CBFA2T3: variants seen among roughly 807,000 people sequenced by gnomAD.
CBFA2T3 encodes CBFA2/RUNX1 partner transcriptional co-repressor 3, also known as transcriptional corepressor CBFA2T3.
CBFA2T3 carries 31 observed loss-of-function variants against 58.6 expected under a neutral mutation model. The observed-to-expected ratio is 0.53, with a 90% CI of 0.40 to 0.71. The LOEUF (loss-of-function observed/expected upper bound fraction) is 0.71, where lower values mean the gene tolerates loss of function less well. Ranked by LOEUF, CBFA2T3 falls within the 30% of genes least tolerant of loss-of-function variation. CBFA2T3 has a pLI of 0.00. For synonymous variants in CBFA2T3, 531 were observed against 421.9 expected (o/e 1.26, Z -3.17); for missense variants, 1,076 against 963.1 (o/e 1.12, Z -1.55).
At chr16:88,921,156 A>G (rs1384089175) in intron 1 of CBFA2T3, among the ~76,000 whole-genome samples, 2 of 152,238 alleles carry the variant, frequency 1.3e-5, no homozygotes, top group African/African-American at 4.8e-5. Flanking sequence ...TCTTTCTAGG[A>G]AAGGGGAGGA....
intron 1 of CBFA2T3, among the ~76,000 whole-genome samples, chr16:88,967,668 C>A (rs13330619): frequency 0.15 from 23,124 of 152,144 alleles, 1,859 homozygotes; most frequent in Middle Eastern, 0.24. Flanking sequence ...ACGGGGACGG[C>A]GTGCTGCCCT....
chr16:88,920,781 C>T (rs1466297936), intron 1 of CBFA2T3, among the ~76,000 whole-genome samples: 1 of 152,218 alleles, frequency 6.6e-6, no homozygotes, highest in African/African-American at 2.4e-5. Context: ...CCCAGCCCCT[C>T]CCTGCCCTGC....
intron 1 of CBFA2T3, chr16:88,941,108 C>T: frequency 1.0e-6 from 1 of 984,314 alleles, no homozygotes; most frequent in Non-Finnish European, 1.2e-6. Flanking sequence ...AGCTTGGTCC[C>T]CGCCTCCACG....
At chr16:88,957,366 G>A (rs1243622629) in intron 1 of CBFA2T3, among the ~76,000 whole-genome samples, 1 of 152,216 alleles carries the variant, frequency 6.6e-6, no homozygotes, top group Non-Finnish European at 1.5e-5. Context: ...AGCAGACATG[G>A]CAGAGCACTC....
intron 5 of CBFA2T3, chr16:88,886,427 G>A: frequency 3.0e-6 from 1 of 337,034 alleles, no homozygotes; most frequent in Non-Finnish European, 5.4e-6. Context: ...CCAGGGTGGG[G>A]CTTTCCCACC....
At chr16:88,888,261 G>A (rs1010930078) in intron 5 of CBFA2T3, among the ~76,000 whole-genome samples, 14 of 150,624 alleles carry the variant, frequency 9.3e-5, no homozygotes, top group African/African-American at 2.7e-4. Flanking sequence ...CAAGGACTGC[G>A]TGAGAGTACC....
At position 88,875,130 on chromosome 16, in the gene CBFA2T3, AGGCCACG is replaced by A. The variant is rs1968781832; in HGVS notation, c.*1839_*1845del. On this transcript the variant is annotated 3_prime_UTR_variant, in exon 12 of 12. Transcript: ENST00000268679. ...GGGCCACGCCACACACACAGATGCCAGGCCACGGGCCACGCCACGCACACAGATGCCA... is the reference window on the plus strand; with the variant it reads ...GGGCCACGCCACACACACAGATGCCAGGCCACGCCACGCACACAGATGCCA... The A allele has an allele frequency of 4.2e-6, 1 of 235,708 alleles. No homozygotes were observed. Among genetic ancestry groups the A allele is most frequent in the South Asian group, 1.4e-4 (1 of 6,956 alleles). 14.6% of individuals were successfully genotyped at this position (235,708 alleles called of 1,614,324 possible).
At chr16:88,913,924 C>T (rs74746431) in intron 1 of CBFA2T3, among the ~76,000 whole-genome samples, 7,038 of 152,224 alleles carry the variant, frequency 0.046, 503 homozygotes, top group African/African-American at 0.14. Context: ...AGCCGGCTCA[C>T]TCCTGGGCAC....
Position 88,931,165 on chromosome 16 carries a change from C to G in CBFA2T3, c.152-29509G>C, listed in dbSNP as rs573097154. 1.4e-4 allele frequency among the ~76,000 whole-genome samples: 22 copies of G among 152,144 alleles called. 1 individual carries two copies. In the South Asian group the frequency reaches 4.4e-3, roughly 30 times the overall value. On this transcript the variant is annotated intron_variant, in intron 1 of 11. Coordinates refer to ENST00000268679, the MANE Select transcript of CBFA2T3 (RefSeq NM_005187.6). ...CTGCCTCTTCCCTGAGTTTGGGCAC[C>G]TTAAATGTGAGAGGGGCTCAGCCTC...
chr16:88,913,649 G>T (rs1342763464), intron 1 of CBFA2T3, among the ~76,000 whole-genome samples: 1 of 152,162 alleles, frequency 6.6e-6, no homozygotes, highest in South Asian at 2.1e-4. Context: ...CCGTGGGGGG[G>T]TCTCAGCCGG....
intron 1 of CBFA2T3, among the ~76,000 whole-genome samples, chr16:88,974,518 G>A (rs1972743434): frequency 6.6e-6 from 1 of 152,134 alleles, no homozygotes; most frequent in Non-Finnish European, 1.5e-5. Flanking sequence ...ACAGCACACA[G>A]ACGTCTCTCC....
At chr16:88,899,441 T>A (rs1040512586) in intron 2 of CBFA2T3, among the ~76,000 whole-genome samples, 1 of 152,154 alleles carries the variant, frequency 6.6e-6, no homozygotes, top group African/African-American at 2.4e-5. Context: ...CACCTGCTTA[T>A]CTCTTTCATA....
intron 3 of CBFA2T3, among the ~76,000 whole-genome samples, chr16:88,895,112 C>A (rs2142604273): frequency 6.6e-6 from 1 of 152,304 alleles, no homozygotes; most frequent in African/African-American, 2.4e-5. Context: ...TGGGCTGCGT[C>A]CCCACAGCTG....
At chr16:88,921,771 G>A (rs1438566723) in intron 1 of CBFA2T3, among the ~76,000 whole-genome samples, 1 of 152,262 alleles carries the variant, frequency 6.6e-6, no homozygotes, top group Non-Finnish European at 1.5e-5. Flanking sequence ...ACTTGCGGCT[G>A]CAGCTCCCTC....
intron 1 of CBFA2T3, among the ~76,000 whole-genome samples, chr16:88,932,491 A>C (rs1318051663): frequency 1.3e-5 from 2 of 151,868 alleles, no homozygotes; most frequent in African/African-American, 4.8e-5. Context: ...AAAAATTAAA[A>C]AAACAATTAG....
At chr16:88,881,738 A>C (rs1454859913) in intron 8 of CBFA2T3, 5 of 468,536 alleles carry the variant, frequency 1.1e-5, no homozygotes, top group Admixed American at 7.3e-5. Flanking sequence ...GGAGTTTGGG[A>C]TTCTCCTTTT....
At chr16:88,968,576 GTGGTCCCAACCCT>G (rs1478588488) in intron 1 of CBFA2T3, among the ~76,000 whole-genome samples, 1 of 152,228 alleles carries the variant, frequency 6.6e-6, no homozygotes, top group African/African-American at 2.4e-5. Flanking sequence ...TTTAGAACAC[GTGGTCCCAACCCT>G]TGGTCTAGAA....
chr16:88,914,366 G>A (rs1312723846), intron 1 of CBFA2T3, among the ~76,000 whole-genome samples: 2 of 152,200 alleles, frequency 1.3e-5, no homozygotes, highest in Non-Finnish European at 2.9e-5. Flanking sequence ...GCTTTGTGGT[G>A]CACACTTCTG....
intron 4 of CBFA2T3, 121 bp downstream of exon 4, chr16:88,892,123 G>A: frequency 7.1e-7 from 1 of 1,405,706 alleles, no homozygotes; most frequent in Non-Finnish European, 9.8e-7. Context: ...TGGCATCGTG[G>A]GAGCGGGTCC....
Sources: allele counts gnomAD v4.1 joint callset (sites outside exome capture counted in the v4.1 genomes callset), GRCh38; gene constraint gnomAD v4.1.1; transcripts MANE v1.5; gene names NCBI Gene and HGNC (gene_info 2026-07-23, HGNC 2026-07-21).